Variants in ZC3H14 observed in about 807,000 individuals in gnomAD.
ZC3H14 encodes zinc finger CCCH domain-containing protein 14.
Under a neutral mutation model 92.4 loss-of-function variants are expected in ZC3H14, and 31 were observed. The ratio of observed to expected loss-of-function variants is 0.34; its 90% CI spans 0.25 to 0.45. The LOEUF is 0.45. ZC3H14 is among the 20% of genes least tolerant of loss of function. ZC3H14 has a pLI of 1.00. For synonymous variants in ZC3H14, 321 were observed against 300.9 expected, an observed-to-expected ratio of 1.07 and a Z score of -0.69; for missense variants, 781 against 897.3, an observed-to-expected ratio of 0.87 and a Z score of 1.66.
At chr14:88,578,781 GTTTTTTT>G (rs35101368) in intron 9 of ZC3H14, among the ~76,000 whole-genome samples, 3 of 76,816 alleles carry the variant, frequency 3.9e-5, no homozygotes, top group African/African-American at 1.6e-4. Context: ...TTGCTTCCAG[GTTTTTTT>G]TTTTTTTTTT....
chr14:88,563,918 G>C (rs2079222776), intron 2 of ZC3H14, among the ~76,000 whole-genome samples: 1 of 151,634 alleles, frequency 6.6e-6, no homozygotes, highest in Non-Finnish European at 1.5e-5. Context: ...AGTTTCCTCC[G>C]TTAAGGCTCT....
chr14:88,616,902 A>G lies in ZC3H14; in HGVS notation c.*5151A>G. 4 of 1,610,026 alleles carry G rather than the reference A, an allele frequency of 2.5e-6. No homozygotes were observed. Among genetic ancestry groups the G allele is most frequent in the Non-Finnish European group, 3.4e-6 (4 of 1,177,906 alleles). On this transcript the variant is annotated 3_prime_UTR_variant, in exon 17 of 17. Transcript: ENST00000251038. Reference sequence around the variant, plus strand: ...ATACTAGAGGGAAGGAACAAAAGAAAACTCATCATGGCAAGTGCGGGCAGG... The same window carrying G: ...ATACTAGAGGGAAGGAACAAAAGAAGACTCATCATGGCAAGTGCGGGCAGG...
At chr14:88,610,335 T>TACC (rs1158316827) in intron 15 of ZC3H14, among the ~76,000 whole-genome samples, 27 of 152,158 alleles carry the variant, frequency 1.8e-4, no homozygotes, top group African/African-American at 6.5e-4. Flanking sequence ...TAATTAGAAG[T>TACC]TTTTGTGGTA....
At chr14:88,607,106 A>G in intron 12 of ZC3H14, 137 bp from the exon 13 acceptor site, 1 of 1,352,858 alleles carries the variant, frequency 7.4e-7, no homozygotes, top group Non-Finnish European at 1.0e-6. Flanking sequence ...TAATCCCATA[A>G]TTTGAGCTCA....
chr14:88,610,809 T>C (rs1321923914), intron 15 of ZC3H14, 25 bp from the exon 16 acceptor site: 1 of 1,596,600 alleles, frequency 6.3e-7, no homozygotes, highest in Non-Finnish European at 8.6e-7. Context: ...GTGGATATTG[T>C]TGAAGCTCTG....
At position 88,627,306 on chromosome 14, in the gene ZC3H14, T is replaced by G; in HGVS notation, c.*15555T>G. On this transcript the variant is annotated 3_prime_UTR_variant, in exon 17 of 17. Coordinates refer to ENST00000251038, the MANE Select transcript of ZC3H14 (RefSeq NM_024824.5). ...GTGGTAGGTAATATTATCCTGCTGA[T>G]CTGCCATTATCATTAGAAATATACA... 1 of 500,388 alleles carries G rather than the reference T, an allele frequency of 2.0e-6. No individual in the cohort carries two copies. Among genetic ancestry groups the G allele is most frequent in the South Asian group, 3.0e-5 (1 of 33,236 alleles). 31.0% of individuals were successfully genotyped at this position (500,388 alleles called of 1,614,324 possible).
In ZC3H14 at chr14:88,616,655, G is replaced by A; in HGVS notation, c.*4904G>A. 1 of 1,377,846 alleles carries A rather than the reference G, an allele frequency of 7.3e-7. No individual in the cohort carries two copies. The highest frequency in any genetic ancestry group is 9.8e-7 in the Non-Finnish European group (1 of 1,025,252). The allele number at this position is 1,377,846 out of a possible 1,614,324, so 85.4% of individuals were successfully genotyped here. A position where few individuals can be genotyped will look rare whatever the true frequency, so the allele number is the denominator to read the frequency against. ...TAGGACAAAACATTTTAAATATATG[G>A]GGAAAAGTGCTGATGATAAGACATC... On this transcript the variant is annotated 3_prime_UTR_variant, in exon 17 of 17. Coordinates refer to ENST00000251038, the MANE Select transcript of ZC3H14 (RefSeq NM_024824.5).
At position 88,607,243 on chromosome 14, in the gene ZC3H14, CTGAGA is replaced by C; in HGVS notation, c.1753_1757del (p.Met585Ter). 6.2e-7 allele frequency: 1 copy of C among 1,614,058 alleles called. No homozygotes were observed. Among genetic ancestry groups the C allele is most frequent in the East Asian group, 2.2e-5 (1 of 44,878 alleles). On this transcript the variant is annotated frameshift_variant and splice_region_variant, in exon 13 of 17. Coordinates refer to ENST00000251038, the MANE Select transcript of ZC3H14 (RefSeq NM_024824.5). LOFTEE classifies it high-confidence loss of function. ...ACTTTTATTTCCTTTCCCTTTGTAG[CTGAGA>C]TGAGTGAACTGAGTGTGGCACAGAA...
At position 88,627,100 on chromosome 14, in the gene ZC3H14, C is replaced by T. The variant is rs1595256228; in HGVS notation, c.*15349C>T. On this transcript the variant is annotated 3_prime_UTR_variant, in exon 17 of 17. Coordinates refer to ENST00000251038, the MANE Select transcript of ZC3H14 (RefSeq NM_024824.5). ...TTATTACAAGAACCAAGCTAATCAA[C>T]AGCATCAAACAAATATGTAAAATAC... 2.6e-6 allele frequency: 4 copies of T among 1,552,662 alleles called. No individual in the cohort carries two copies. Among genetic ancestry groups the T allele is most frequent in the East Asian group, 4.5e-5 (2 of 44,564 alleles).
chr14:88,585,637 G>A (rs1244529996), intron 9 of ZC3H14, among the ~76,000 whole-genome samples: 6 of 152,094 alleles, frequency 3.9e-5, no homozygotes, highest in Non-Finnish European at 7.4e-5. Context: ...TTATCTGCCC[G>A]CTTCAGCCTC....
intron 6 of ZC3H14, chr14:88,574,177 A>C (rs1431101356): frequency 1.9e-5 from 3 of 154,094 alleles, no homozygotes; most frequent in Non-Finnish European, 4.3e-5. Context: ...GATAAAATAA[A>C]TGTAAAGTTC....
At chr14:88,605,700 C>T (rs574351371) in intron 12 of ZC3H14, among the ~76,000 whole-genome samples, 2 of 152,320 alleles carry the variant, frequency 1.3e-5, no homozygotes, top group East Asian at 3.9e-4. Flanking sequence ...CAGGCATAGT[C>T]ATAATTGCTC....
In ZC3H14 at chr14:88,625,372, C is replaced by A; in HGVS notation, c.*13621C>A. The A allele has an allele frequency of 2.3e-6, 1 of 429,364 alleles. No individual in the cohort carries two copies. Among genetic ancestry groups the A allele is most frequent in the Non-Finnish European group, 4.1e-6 (1 of 242,590 alleles). 26.6% of individuals were successfully genotyped at this position (429,364 alleles called of 1,614,324 possible). ...AATAACCTTAGACAATTCTTCCCTT[C>A]CAATTCTAACATACTATAATTCTAG... On this transcript the variant is annotated 3_prime_UTR_variant, in exon 17 of 17. Transcript: ENST00000251038.
In ZC3H14 at chr14:88,615,752, G is replaced by T. The variant is rs1279450375; in HGVS notation, c.*4001G>T. 1 of 1,514,714 alleles carries T rather than the reference G, an allele frequency of 6.6e-7. No individual in the cohort carries two copies. The highest frequency in any genetic ancestry group is 9.0e-7 in the Non-Finnish European group (1 of 1,108,870). The allele number at this position is 1,514,714 out of a possible 1,614,324, so 93.8% of individuals were successfully genotyped here. On this transcript the variant is annotated 3_prime_UTR_variant, in exon 17 of 17. Transcript: ENST00000251038. ...AGCACCACTTGACCATGCAGGGTTG[G>T]GTTTTGGTTTTTCTTCTCTGTAATT...
At chr14:88,578,631 T>G (rs1271827392) in intron 9 of ZC3H14, among the ~76,000 whole-genome samples, 1 of 152,064 alleles carries the variant, frequency 6.6e-6, no homozygotes, top group Non-Finnish European at 1.5e-5. Flanking sequence ...CTTTTTCTCT[T>G]TTTGTTGATC....
intron 9 of ZC3H14, among the ~76,000 whole-genome samples, chr14:88,593,762 GA>G (rs1340143646): frequency 2.6e-5 from 4 of 151,758 alleles, no homozygotes; most frequent in Non-Finnish European, 5.9e-5. Context: ...AACTCTTAGG[GA>G]AAAAAATAGA....
chr14:88,608,320 C>T (rs959153162), intron 13 of ZC3H14: 28 of 485,328 alleles, frequency 5.8e-5, no homozygotes, highest in African/African-American at 4.3e-4. Flanking sequence ...GAATACCATC[C>T]CCATCTCATC....
rs146573119 is a variant in ZC3H14, at chr14:88,597,192, A to AT, written c.1354+388dup. On this transcript the variant is annotated intron_variant, in intron 10 of 16. Coordinates refer to ENST00000251038, the MANE Select transcript of ZC3H14 (RefSeq NM_024824.5). ...GGTTAGCCTTATCCTCTTGTACTTCATTTTGGAGTCTTATCACCAGGGCCA... is the reference window on the plus strand; with the variant it reads ...GGTTAGCCTTATCCTCTTGTACTTCATTTTTGGAGTCTTATCACCAGGGCCA... Among the ~76,000 whole-genome samples the AT allele has an allele frequency of 3.6e-3, 554 of 151,822 alleles. 4 individuals are homozygous for AT. Among genetic ancestry groups the AT allele is most frequent in the African/African-American group, 0.012 (508 of 41,390 alleles).
Position 88,622,786 on chromosome 14 carries a change from A to G in ZC3H14, c.*11035A>G, listed in dbSNP as rs1346567276. On this transcript the variant is annotated 3_prime_UTR_variant, in exon 17 of 17. Coordinates refer to ENST00000251038, the MANE Select transcript of ZC3H14 (RefSeq NM_024824.5). ...ACTATAATTTTTATTATAAACAAAT[A>G]CCAAGTTATAAGCAGAATCTTTTTT... 6 of 1,099,540 alleles carry G rather than the reference A, an allele frequency of 5.5e-6. No individual in the cohort carries two copies. The East Asian group carries it at 8.1e-5, about 15-fold the overall frequency. The allele number at this position is 1,099,540 out of a possible 1,614,324, so 68.1% of individuals were successfully genotyped here. A position where few individuals can be genotyped will look rare whatever the true frequency, so the allele number is the denominator to read the frequency against.
Sources: gnomAD v4.1 joint callset for allele counts (sites outside exome capture counted in the v4.1 genomes callset) on GRCh38, gnomAD v4.1.1 for gene constraint, MANE v1.5 for transcripts, NCBI Gene and HGNC (gene_info 2026-07-23, HGNC 2026-07-21) for gene names.